Variants in SPCS1 observed in about 807,000 individuals in gnomAD.
SPCS1 encodes SPase 12 kDa subunit.
Under a neutral mutation model 16.4 loss-of-function variants are expected in SPCS1, and 10 were observed. That is an observed-to-expected ratio of 0.61 (90% confidence interval 0.38 to 1.03). The LOEUF (loss-of-function observed/expected upper bound fraction) is 1.03, where lower values mean the gene tolerates loss of function less well. Among genes scored for constraint, SPCS1 ranks in the 50% least tolerant of loss-of-function variants. The probability of loss-of-function intolerance (pLI) is 0.01; values close to 1 mark genes in which losing one functional copy is unlikely to be tolerated. For missense variants in SPCS1, 118 were observed against 123.8 expected, an observed-to-expected ratio of 0.95 and a Z score of 0.22; for synonymous variants, 47 against 42.5, an observed-to-expected ratio of 1.10 and a Z score of -0.41.
rs566535170 is a variant in SPCS1 at position 52,709,649 on chromosome 3, T to G, written c.*1837T>G. ...CCAGGAGGTCAAGGCTGCAGTGAGC[T>G]ATGATCACCTCACTGCACTCCAGGC... On this transcript the variant is annotated 3_prime_UTR_variant, in exon 4 of 4. Transcript: ENST00000619898. 24 of 133,718 alleles carry G rather than the reference T, an allele frequency of 1.8e-4. No homozygotes were observed. The highest frequency in any genetic ancestry group is 6.8e-4 in the African/African-American group (24 of 35,186). The allele number at this position is 133,718 out of a possible 1,614,324, so 8.3% of individuals were successfully genotyped here. A position where few individuals can be genotyped will look rare whatever the true frequency, so the allele number is the denominator to read the frequency against.
In SPCS1 at chr3:52,709,038, T is replaced by C. The variant is rs1036441284; in HGVS notation, c.*1226T>C. On this transcript the variant is annotated 3_prime_UTR_variant, in exon 4 of 4. Coordinates refer to ENST00000619898, the MANE Select transcript of SPCS1 (RefSeq NM_014041.5). ...CCATCTCTACTAAAAATAACGAAAA[T>C]CAGCCAGGCATGGTGGTGTGTGCCT... 1.3e-5 allele frequency: 2 copies of C among 151,770 alleles called. No individual in the cohort carries two copies. Among genetic ancestry groups the C allele is most frequent in the African/African-American group, 4.9e-5 (2 of 41,236 alleles). 9.4% of individuals were successfully genotyped at this position (151,770 alleles called of 1,614,324 possible).
rs962568968 is a variant in SPCS1, at chr3:52,706,133, G to A, written c.-114G>A. On this transcript the variant is annotated 5_prime_UTR_variant, in exon 1 of 4. Coordinates refer to ENST00000619898, the MANE Select transcript of SPCS1 (RefSeq NM_014041.5). ...CGCCATCGCTCTCCCGGGCTTAGAAGGCCCGGCTACTGACGCGCAGTGCCA... is the reference window on the plus strand; with the variant it reads ...CGCCATCGCTCTCCCGGGCTTAGAAAGCCCGGCTACTGACGCGCAGTGCCA... The A allele has an allele frequency of 3.9e-6, 6 of 1,540,594 alleles. No individual in the cohort carries two copies. The African/African-American group carries it at 5.5e-5, about 14-fold the overall frequency.
At chr3:52,706,365 C>CTCCAACA in intron 1 of SPCS1, 83 bp downstream of exon 1, 1 of 1,438,338 alleles carries the variant, frequency 7.0e-7, no homozygotes, top group Non-Finnish European at 9.4e-7. Context: ...CGACCCGGTG[C>CTCCAACA]TGCGCTGTTC....
chr3:52,707,644 T>C (rs1394411293), intron 3 of SPCS1, 43 bp from the exon 4 acceptor site: 2 of 1,595,504 alleles, frequency 1.3e-6, no homozygotes. Flanking sequence ...TTTTTTAAAC[T>C]TTTAATAGCT....
Position 52,709,220 on chromosome 3 carries a change from A to G in SPCS1, c.*1408A>G, listed in dbSNP as rs1578604385. On this transcript the variant is annotated 3_prime_UTR_variant, in exon 4 of 4. Coordinates refer to ENST00000619898, the MANE Select transcript of SPCS1 (RefSeq NM_014041.5). Reference sequence around the variant, plus strand: ...AAAGAATGATTGACATTTTAGAACCAATGCCAAAAGAGTAACACATCAAAG... The same window carrying G: ...AAAGAATGATTGACATTTTAGAACCGATGCCAAAAGAGTAACACATCAAAG... 1.3e-5 allele frequency: 2 copies of G among 151,826 alleles called. No individual in the cohort carries two copies. The highest frequency in any genetic ancestry group is 1.3e-4 in the Admixed American group (2 of 15,210). 9.4% of individuals were successfully genotyped at this position (151,826 alleles called of 1,614,324 possible). A position where few individuals can be genotyped will look rare whatever the true frequency, so the allele number is the denominator to read the frequency against.
rs2097349279 is a variant in SPCS1, at chr3:52,710,435, T to C, written c.*2623T>C. On this transcript the variant is annotated 3_prime_UTR_variant, in exon 4 of 4. Transcript: ENST00000619898. ...TTAGAGTATTTGTGTGTGTGTGTAA[T>C]TTTCAAAGATAGATATATTTTTAGT... 1 of 151,782 alleles carries C rather than the reference T, an allele frequency of 6.6e-6. No homozygotes were observed. The highest frequency in any genetic ancestry group is 1.5e-5 in the Non-Finnish European group (1 of 67,990). The allele number at this position is 151,782 out of a possible 1,614,324, so 9.4% of individuals were successfully genotyped here. A position where few individuals can be genotyped will look rare whatever the true frequency, so the allele number is the denominator to read the frequency against.
At position 52,711,071 on chromosome 3, in the gene SPCS1, T is replaced by C. The variant is rs11235; in HGVS notation, c.*3259T>C. 0.39 allele frequency: 59,913 copies of C among 152,464 alleles called. 12,688 individuals are homozygous for C. Among genetic ancestry groups the C allele is most frequent in the South Asian group, 0.66 (3,172 of 4,828 alleles). The allele number at this position is 152,464 out of a possible 1,614,324, so 9.4% of individuals were successfully genotyped here. On this transcript the variant is annotated 3_prime_UTR_variant, in exon 4 of 4. Coordinates refer to ENST00000619898, the MANE Select transcript of SPCS1 (RefSeq NM_014041.5). ...TGCTTAAATGGAAATGAAATTTGTGTTTAAGAAATGTTTTCACTGATGGAA... is the reference window on the plus strand; with the variant it reads ...TGCTTAAATGGAAATGAAATTTGTGCTTAAGAAATGTTTTCACTGATGGAA...
At position 52,709,437 on chromosome 3, in the gene SPCS1, T is replaced by C. The variant is rs1056713281; in HGVS notation, c.*1625T>C. 4.0e-5 allele frequency: 6 copies of C among 151,894 alleles called. No homozygotes were observed. Among genetic ancestry groups the C allele is most frequent in the Non-Finnish European group, 8.8e-5 (6 of 67,980 alleles). The allele number at this position is 151,894 out of a possible 1,614,324, so 9.4% of individuals were successfully genotyped here. A position where few individuals can be genotyped will look rare whatever the true frequency, so the allele number is the denominator to read the frequency against. On this transcript the variant is annotated 3_prime_UTR_variant, in exon 4 of 4. Transcript: ENST00000619898. ...AAAGTATGGGGGAAGTCAGGTGTGG[T>C]GGTTCATGCCTATAATCCCAGCACT...
At chr3:52,706,406 T>G (rs1228074273) in intron 1 of SPCS1, 124 bp downstream of exon 1, 6 of 1,075,244 alleles carry the variant, frequency 5.6e-6, no homozygotes, top group Non-Finnish European at 7.9e-6. Flanking sequence ...CCACCCTCTT[T>G]CCCGAATTGC....
chr3:52,706,195 C>T lies in SPCS1; in HGVS notation c.-52C>T. ...TCACGGTCCTTAAGTCTCGGTCGCC[C>T]TCGCCTCGCAGCCTGCCACCCGCGC... On this transcript the variant is annotated 5_prime_UTR_variant, in exon 1 of 4. Coordinates refer to ENST00000619898, the MANE Select transcript of SPCS1 (RefSeq NM_014041.5). 1 of 1,559,820 alleles carries T rather than the reference C, an allele frequency of 6.4e-7. No individual in the cohort carries two copies. Among genetic ancestry groups the T allele is most frequent in the East Asian group, 2.4e-5 (1 of 42,416 alleles).
At position 52,707,627 on chromosome 3, in the gene SPCS1, G is replaced by T. The variant is rs1004770552; in HGVS notation, c.184-60G>T. The T allele has an allele frequency of 1.0e-5, 16 of 1,561,102 alleles. No individual in the cohort carries two copies. In the African/African-American group the frequency reaches 1.7e-4, roughly 16 times the overall value. On this transcript the variant is annotated intron_variant, in intron 3 of 3. Transcript: ENST00000619898. ...GTCATTTGGGAACCTGGCATTATAC[G>T]TAATGATTTTTTAAACTTTTAATAG...
intron 1 of SPCS1, 39 bp downstream of exon 1, chr3:52,706,321 G>T (rs751690460): frequency 5.7e-6 from 9 of 1,578,244 alleles, no homozygotes; most frequent in Non-Finnish European, 7.7e-6. Context: ...CGCCGTTCTT[G>T]TGCCTGGCAG....
chr3:52,706,547 T>G, intron 1 of SPCS1, 97 bp from the exon 2 acceptor site: 1 of 1,168,278 alleles, frequency 8.6e-7, no homozygotes, highest in Non-Finnish European at 1.3e-6. Context: ...GAGACCCTGA[T>G]GTTGGGGTTA....
In SPCS1 at chr3:52,710,234, G is replaced by GGGCAACT. The variant is rs1227452485; in HGVS notation, c.*2424_*2430dup. The GGGCAACT allele has an allele frequency of 1.3e-5, 2 of 151,982 alleles. No individual in the cohort carries two copies. The highest frequency in any genetic ancestry group is 2.9e-5 in the Non-Finnish European group (2 of 68,070). 9.4% of individuals were successfully genotyped at this position (151,982 alleles called of 1,614,324 possible). ...AAAAAAATTAGCCGGGCATGGTGGC[G>GGGCAACT]GGCAACTGTAGTCCCAGCTACTCGA... On this transcript the variant is annotated 3_prime_UTR_variant, in exon 4 of 4. Coordinates refer to ENST00000619898, the MANE Select transcript of SPCS1 (RefSeq NM_014041.5).
intron 3 of SPCS1, chr3:52,707,085 C>T: frequency 1.8e-6 from 1 of 570,776 alleles, no homozygotes; most frequent in Non-Finnish European, 3.2e-6. Flanking sequence ...TTTCCTTTGG[C>T]GGCTACTCTG....
chr3:52,708,394 CTTTGT>C lies in SPCS1; in HGVS notation c.*587_*591del, dbSNP rs1222714899. On this transcript the variant is annotated 3_prime_UTR_variant, in exon 4 of 4. Coordinates refer to ENST00000619898, the MANE Select transcript of SPCS1 (RefSeq NM_014041.5). Reference sequence around the variant, plus strand: ...AACATTAGTTCCATGAGAACGGGGACTTTGTTTTGCTCACTGCTGTCTACCCAGTA... The same window carrying C: ...AACATTAGTTCCATGAGAACGGGGACTTTGCTCACTGCTGTCTACCCAGTA... 2 of 153,158 alleles carry C rather than the reference CTTTGT, an allele frequency of 1.3e-5. No homozygotes were observed. Among genetic ancestry groups the C allele is most frequent in the Non-Finnish European group, 2.9e-5 (2 of 68,762 alleles). 9.5% of individuals were successfully genotyped at this position (153,158 alleles called of 1,614,324 possible). A position where few individuals can be genotyped will look rare whatever the true frequency, so the allele number is the denominator to read the frequency against.
At chr3:52,707,587 TCCC>T in intron 3 of SPCS1, 97 bp from the exon 4 acceptor site, 5 of 1,291,162 alleles carry the variant, frequency 3.9e-6, no homozygotes, top group Non-Finnish European at 2.2e-6. Flanking sequence ...GTTTTTTTGT[TCCC>T]TCAGCATAGG....
At chr3:52,706,969 A>G (rs1214851351) in intron 3 of SPCS1, 90 bp downstream of exon 3, 7 of 888,194 alleles carry the variant, frequency 7.9e-6, no homozygotes, top group South Asian at 2.7e-5. Context: ...CCCAAAGCCA[A>G]CGTTTCCCTC....
At chr3:52,706,503 AT>A in intron 1 of SPCS1, 140 bp from the exon 2 acceptor site, 1 of 887,722 alleles carries the variant, frequency 1.1e-6, no homozygotes, top group Non-Finnish European at 1.7e-6. Context: ...GAAGCCCAGA[AT>A]TTAATATCTT....
Sources: gnomAD v4.1 joint callset for allele counts on GRCh38, gnomAD v4.1.1 for gene constraint, MANE v1.5 for transcripts, NCBI Gene and HGNC (gene_info 2026-07-23, HGNC 2026-07-21) for gene names.